CDKL5: variants seen among roughly 807,000 people sequenced by gnomAD.
CDKL5 encodes cyclin-dependent kinase-like 5.
A neutral mutation model predicts 61.7 loss-of-function variants in CDKL5; 8 were observed. The observed-to-expected ratio is 0.13, with a 90% confidence interval of 0.08 to 0.23. The LOEUF is 0.23. CDKL5 is among the 10% of genes least tolerant of loss of function. The probability of loss-of-function intolerance (pLI) is 1.00; values close to 1 mark genes in which losing one functional copy is unlikely to be tolerated. For synonymous variants in CDKL5, 275 were observed against 272.3 expected (o/e 1.01, Z -0.10); for missense variants, 440 against 734.5 (o/e 0.60, Z 4.63).
chrX:18,477,481 T>G (rs908621048), intron 1 of CDKL5, among the ~76,000 whole-genome samples: 2 of 112,960 alleles, frequency 1.8e-5, no homozygotes, highest in South Asian at 3.6e-4. Context: ...TTTTGCTGTT[T>G]GTTTACTGTA....
At chrX:18,440,117 T>C (rs1319933028) in intron 1 of CDKL5, among the ~76,000 whole-genome samples, 1 of 111,202 alleles carries the variant, frequency 9.0e-6, no homozygotes, top group Non-Finnish European at 1.9e-5. Flanking sequence ...TTGCCATATC[T>C]GTTGACTGTT....
rs2147175891 is a variant in CDKL5, at chrX:18,625,203, C to T, written c.2452C>T (p.Pro818Ser). ...TTCTGCTAGCACTCCAAGCAGCAGACCAAAGGAGTGGCGCCCCGAGAAGAT... is the reference window on the plus strand; with the variant it reads ...TTCTGCTAGCACTCCAAGCAGCAGATCAAAGGAGTGGCGCCCCGAGAAGAT... The part of the protein sequence containing the change: ...IHSASTPSSR[P>S]KEWRPEKISD... The change falls in exon 17 of 18, where the codon CCA becomes TCA. Residue 818 changes from proline to serine, a missense_variant. By Grantham distance (74) the Pro-to-Ser change is moderately conservative. Around this residue, in one of 2 missense-constraint regions of CDKL5, gnomAD observed 363 missense variants for 516.3 expected, o/e 0.70. Transcript: ENST00000623535. The T allele has an allele frequency of 8.3e-7, 1 of 1,207,515 alleles. No homozygotes were observed. Among genetic ancestry groups the T allele is most frequent in the South Asian group, 1.8e-5 (1 of 56,810 alleles).
chrX:18,428,170 CT>C (rs1458910699), intron 1 of CDKL5, among the ~76,000 whole-genome samples: 2 of 111,960 alleles, frequency 1.8e-5, no homozygotes, highest in Non-Finnish European at 3.8e-5. Context: ...GGAGAAATTC[CT>C]TTAAGTATCA....
chrX:18,627,662 G>T (rs1182327676), intron 17 of CDKL5: 1 of 110,739 alleles, frequency 9.0e-6, no homozygotes, highest in Admixed American at 9.6e-5. Flanking sequence ...GCGGACCACT[G>T]TGAGCCCATG....
intron 11 of CDKL5, 150 bp downstream of exon 11, chrX:18,598,763 A>G: frequency 1.8e-6 from 1 of 562,771 alleles, no homozygotes. Context: ...ATGATTCAGA[A>G]CCACAATTAA....
chrX:18,640,771 CG>C (rs1332167784), downstream of CDKL5: 1 of 112,429 alleles, frequency 8.9e-6, no homozygotes, highest in Non-Finnish European at 1.9e-5. Flanking sequence ...AGAGCAGCCT[CG>C]TCCTCTGATT....
chrX:18,539,356 C>G (rs1027061611), intron 3 of CDKL5, among the ~76,000 whole-genome samples: 3 of 111,564 alleles, frequency 2.7e-5, no homozygotes, highest in African/African-American at 9.7e-5. Flanking sequence ...ATAAATTTCC[C>G]TCTCAATACT....
chrX:18,497,922 A>G (rs1449112210), intron 1 of CDKL5, among the ~76,000 whole-genome samples: 2 of 108,255 alleles, frequency 1.8e-5, no homozygotes, highest in Non-Finnish European at 3.8e-5. Context: ...GGCTCAAGGA[A>G]TCCTCCCACT....
intron 6 of CDKL5, among the ~76,000 whole-genome samples, chrX:18,580,730 A>T (rs1018952880): frequency 8.9e-6 from 1 of 112,099 alleles, no homozygotes; most frequent in African/African-American, 3.2e-5. Flanking sequence ...TATTTAAAAA[A>T]TTGCAGTATT....
intron 21 of CDKL5, chrX:18,653,295 T>C (rs1289583079): frequency 1.8e-6 from 2 of 1,108,793 alleles, no homozygotes; most frequent in Non-Finnish European, 2.4e-6. Context: ...GTATTTTTAA[T>C]AGCATTAAAG....
intron 14 of CDKL5, among the ~76,000 whole-genome samples, chrX:18,611,413 C>T (rs986943623): frequency 1.0e-5 from 1 of 98,482 alleles, no homozygotes; most frequent in East Asian, 3.1e-4. Flanking sequence ...CCAGCCTAGG[C>T]GACAGAGCAA....
At chrX:18,553,963 C>A (rs2147124443) in intron 3 of CDKL5, among the ~76,000 whole-genome samples, 1 of 110,923 alleles carries the variant, frequency 9.0e-6, no homozygotes, top group South Asian at 3.8e-4. Context: ...CCATTTAATT[C>A]TAATTTTGAG....
In CDKL5 at chrX:18,608,677, C is replaced by G. The variant is rs1285721826; in HGVS notation, c.1945-134C>G. The stretch of plus-strand genomic sequence containing the variant: ...CATCAGATTATTCACTTTTATGGGA[C>G]TATTTGTATTTTAGCCAACTAACAT... On this transcript the variant is annotated intron_variant, in intron 12 of 17. Coordinates refer to ENST00000623535, the MANE Select transcript of CDKL5 (RefSeq NM_001323289.2). The G allele has an allele frequency of 6.1e-6, 3 of 495,667 alleles. No individual in the cohort carries two copies. In the Admixed American group the frequency reaches 8.7e-5, roughly 14 times the overall value. 40.8% of individuals were successfully genotyped at this position (495,667 alleles called of 1,213,427 possible). A position where few individuals can be genotyped will look rare whatever the true frequency, so the allele number is the denominator to read the frequency against.
intron 3 of CDKL5, among the ~76,000 whole-genome samples, chrX:18,532,592 A>G (rs1381519979): frequency 8.9e-6 from 1 of 112,138 alleles, no homozygotes; most frequent in Non-Finnish European, 1.9e-5. Context: ...ACCTTGAAGA[A>G]TGTAGTAATT....
intron 1 of CDKL5, among the ~76,000 whole-genome samples, chrX:18,432,234 G>A (rs1338536926): frequency 9.2e-6 from 1 of 108,842 alleles, no homozygotes; most frequent in Non-Finnish European, 1.9e-5. Context: ...GAGTAGCTGG[G>A]ATTACAGGCA....
At chrX:18,469,338 CAAAA>C (rs34096001) in intron 1 of CDKL5, among the ~76,000 whole-genome samples, 1 of 15,662 alleles carries the variant, frequency 6.4e-5, no homozygotes, top group African/African-American at 2.8e-4. Context: ...GACTCTGTCT[CAAAA>C]AAAAAAAAAA....
chrX:18,613,299 C>T, intron 15 of CDKL5, 24 bp downstream of exon 15: 1 of 1,174,686 alleles, frequency 8.5e-7, no homozygotes, highest in Non-Finnish European at 1.1e-6. Flanking sequence ...TTTGTTTTTA[C>T]TCTTCCTTTT....
chrX:18,453,443 C>T (rs1160869542), intron 1 of CDKL5, among the ~76,000 whole-genome samples: 4 of 111,272 alleles, frequency 3.6e-5, no homozygotes, highest in Non-Finnish European at 7.5e-5. Flanking sequence ...GTCCTAATCT[C>T]TGGACATAAA....
intron 3 of CDKL5, among the ~76,000 whole-genome samples, chrX:18,553,998 T>G (rs1373589330): frequency 9.0e-6 from 1 of 111,022 alleles, no homozygotes; most frequent in East Asian, 2.8e-4. Flanking sequence ...CATCAATGTT[T>G]CCTGTAATAA....
Sources: allele counts gnomAD v4.1 joint callset (sites outside exome capture counted in the v4.1 genomes callset), GRCh38; gene constraint gnomAD v4.1.1; regional missense constraint gnomAD v4.1.1; transcripts MANE v1.5; gene names NCBI Gene and HGNC (gene_info 2026-07-23, HGNC 2026-07-21).